ESRRG: variants seen among roughly 807,000 people sequenced by gnomAD.
ESRRG encodes estrogen-related receptor gamma.
ESRRG carries 13 observed loss-of-function variants against 44.0 expected under a neutral mutation model. That is an observed-to-expected ratio of 0.30 (90% CI 0.19 to 0.47). The LOEUF (loss-of-function observed/expected upper bound fraction) is 0.47, where lower values mean the gene tolerates loss of function less well. Among genes scored for constraint, ESRRG ranks in the 20% least tolerant of loss-of-function variants. The pLI is 1.00. For synonymous variants in ESRRG, 215 were observed against 214.6 expected, an observed-to-expected ratio of 1.00 and a Z score of -0.02; for missense variants, 395 against 580.6, an observed-to-expected ratio of 0.68 and a Z score of 3.29.
intron 2 of ESRRG, among the ~76,000 whole-genome samples, chr1:216,933,360 C>T (rs1238474647): frequency 6.6e-6 from 1 of 151,960 alleles, no homozygotes; most frequent in Non-Finnish European, 1.5e-5. Context: ...TTCACTTAGG[C>T]TTTCTAATTT....
chr1:216,682,284 A>G (rs2077160463), intron 1 of ESRRG, among the ~76,000 whole-genome samples: 1 of 152,226 alleles, frequency 6.6e-6, no homozygotes. Flanking sequence ...TGCAACTTTT[A>G]CTATATCTAT....
At chr1:216,894,835 A>T (rs140143032) in intron 2 of ESRRG, among the ~76,000 whole-genome samples, 1 of 152,306 alleles carries the variant, frequency 6.6e-6, no homozygotes, top group Non-Finnish European at 1.5e-5. Context: ...TCCAAGCAGC[A>T]GCTTAATGAA....
intron 3 of ESRRG, among the ~76,000 whole-genome samples, chr1:216,572,760 A>G (rs184291925): frequency 6.6e-5 from 10 of 152,186 alleles, no homozygotes; most frequent in Admixed American, 6.5e-4. Flanking sequence ...TTTTATAGTG[A>G]TAAAAGGTAC....
At chr1:216,827,373 A>G (rs2095415232) in intron 2 of ESRRG, among the ~76,000 whole-genome samples, 1 of 152,158 alleles carries the variant, frequency 6.6e-6, no homozygotes, top group Non-Finnish European at 1.5e-5. Context: ...GTATTTATTC[A>G]TTGCTCTGGT....
At chr1:216,828,214 T>C (rs1385870175) in intron 2 of ESRRG, among the ~76,000 whole-genome samples, 1 of 152,188 alleles carries the variant, frequency 6.6e-6, no homozygotes, top group Non-Finnish European at 1.5e-5. Context: ...AATGGATTCC[T>C]GTGACACTTA....
intron 2 of ESRRG, among the ~76,000 whole-genome samples, chr1:216,910,529 C>T (rs1244871347): frequency 1.3e-5 from 2 of 152,126 alleles, no homozygotes; most frequent in East Asian, 1.9e-4. Flanking sequence ...AAAGCCTTGA[C>T]CTTACAAAAG....
intron 2 of ESRRG, among the ~76,000 whole-genome samples, chr1:216,833,574 G>GTACC (rs2095519147): frequency 6.6e-6 from 1 of 152,156 alleles, no homozygotes; most frequent in African/African-American, 2.4e-5. Context: ...TAGCCAATTA[G>GTACC]TACCATCATT....
chr1:216,624,896 C>A (rs2062903402), intron 3 of ESRRG, among the ~76,000 whole-genome samples: 1 of 152,118 alleles, frequency 6.6e-6, no homozygotes, highest in Admixed American at 6.6e-5. Flanking sequence ...TTCTTCTCAT[C>A]CGAGTTTCTA....
chr1:216,616,856 T>G (rs961193823), intron 3 of ESRRG, among the ~76,000 whole-genome samples: 3 of 152,162 alleles, frequency 2.0e-5, no homozygotes, highest in Non-Finnish European at 4.4e-5. Context: ...CTTTAAAATC[T>G]TCCTTCTACC....
intron 1 of ESRRG, among the ~76,000 whole-genome samples, chr1:217,017,613 C>T (rs2079613443): frequency 6.6e-6 from 1 of 152,010 alleles, no homozygotes. Context: ...GACTCCTTCC[C>T]AAATTTGTTA....
At chr1:216,877,269 T>C (rs921918004) in intron 2 of ESRRG, among the ~76,000 whole-genome samples, 33 of 152,148 alleles carry the variant, frequency 2.2e-4, no homozygotes, top group South Asian at 1.9e-3. Flanking sequence ...GCAAGACTCA[T>C]CTCATGTTAT....
chr1:216,720,575 G>T (rs527530384), intron 1 of ESRRG, among the ~76,000 whole-genome samples: 20 of 151,818 alleles, frequency 1.3e-4, no homozygotes, highest in African/African-American at 4.1e-4. Context: ...TTTTGTTGTT[G>T]TTACTGTTAC....
chr1:216,940,776 G>T (rs1243275182), intron 1 of ESRRG, among the ~76,000 whole-genome samples: 1 of 152,146 alleles, frequency 6.6e-6, no homozygotes, highest in Admixed American at 6.6e-5. Flanking sequence ...TTTCAAGAAT[G>T]AGGTTAAAAG....
At chr1:216,929,688 G>T (rs2063070661) in intron 2 of ESRRG, among the ~76,000 whole-genome samples, 1 of 152,300 alleles carries the variant, frequency 6.6e-6, no homozygotes, top group Middle Eastern at 3.4e-3. Flanking sequence ...AGAAGTACGT[G>T]ATGAGGCCTG....
At chr1:216,541,289 C>T (rs1426819761) in intron 5 of ESRRG, among the ~76,000 whole-genome samples, 3 of 151,928 alleles carry the variant, frequency 2.0e-5, no homozygotes, top group Non-Finnish European at 2.9e-5. Context: ...ACAGGGCAAT[C>T]TCACTTAGAT....
At chr1:216,993,466 G>C (rs1050056201) in intron 1 of ESRRG, among the ~76,000 whole-genome samples, 15 of 152,108 alleles carry the variant, frequency 9.9e-5, no homozygotes, top group African/African-American at 3.6e-4. Flanking sequence ...AGAAGAAAAA[G>C]TTATATCATT....
At chr1:216,806,466 A>G (rs1412629476) in intron 2 of ESRRG, among the ~76,000 whole-genome samples, 1 of 152,182 alleles carries the variant, frequency 6.6e-6, no homozygotes, top group African/African-American at 2.4e-5. Flanking sequence ...CATAAAACAA[A>G]AAGGTTGTAC....
chr1:216,564,440 C>A, intron 4 of ESRRG, 60 bp from the exon 5 acceptor site: 1 of 1,339,982 alleles, frequency 7.5e-7, no homozygotes, highest in Non-Finnish European at 1.0e-6. Flanking sequence ...CTTTTATAAA[C>A]CCTAGAGCAT....
intron 3 of ESRRG, among the ~76,000 whole-genome samples, chr1:216,628,800 C>T (rs2063614448): frequency 6.6e-6 from 1 of 152,094 alleles, no homozygotes; most frequent in African/African-American, 2.4e-5. Context: ...AGTCCAAAAC[C>T]CTTAAATTGA....
Sources: gnomAD v4.1 joint callset for allele counts (sites outside exome capture counted in the v4.1 genomes callset) on GRCh38, gnomAD v4.1.1 for gene constraint, MANE v1.5 for transcripts, NCBI Gene and HGNC (gene_info 2026-07-23, HGNC 2026-07-21) for gene names.